The following PRAG1 variants were observed in gnomAD, a reference collection of about 807,000 sequenced individuals.
PRAG1 encodes PEAK1 related, kinase-activating pseudokinase 1.
PRAG1 carries 110 observed loss-of-function variants against 95.6 expected under a neutral mutation model. The ratio of observed to expected loss-of-function variants is 1.15; its 90% CI spans 0.99 to 1.35. PRAG1 has a LOEUF of 1.35. PRAG1 is among the 40% of genes most tolerant of loss of function. The probability of loss-of-function intolerance (pLI) is 0.00; values close to 1 mark genes in which losing one functional copy is unlikely to be tolerated. For missense variants in PRAG1, 2,554 were observed against 1,864.7 expected (o/e 1.37, Z -6.81); for synonymous variants, 1,052 against 819.4 (o/e 1.28, Z -4.85).
chr8:8,357,462 G>T (rs1185393742), intron 3 of PRAG1, among the ~76,000 whole-genome samples: 1 of 152,134 alleles, frequency 6.6e-6, no homozygotes, highest in Non-Finnish European at 1.5e-5. Flanking sequence ...TAATCATTTG[G>T]AAAACACAAA....
chr8:8,375,761 G>C (rs192640851), intron 3 of PRAG1, among the ~76,000 whole-genome samples: 573 of 152,198 alleles, frequency 3.8e-3, no homozygotes, highest in Non-Finnish European at 5.3e-3. Flanking sequence ...CTGGGCTCAA[G>C]TAATCCTCCT....
intron 3 of PRAG1, 134 bp from the exon 4 acceptor site, chr8:8,339,769 G>T (rs1286809995): frequency 4.8e-5 from 37 of 778,358 alleles, no homozygotes; most frequent in Non-Finnish European, 5.9e-5. Context: ...AAAAAAAAAA[G>T]ATTTTGGGGA....
intron 1 of PRAG1, among the ~76,000 whole-genome samples, chr8:8,383,136 C>A (rs148295554): frequency 6.6e-6 from 1 of 152,224 alleles, no homozygotes; most frequent in Non-Finnish European, 1.5e-5. Flanking sequence ...ACAGGACTAA[C>A]CAGGTGGAAT....
chr8:8,351,369 G>A (rs918987095), intron 3 of PRAG1, among the ~76,000 whole-genome samples: 4 of 152,046 alleles, frequency 2.6e-5, no homozygotes, highest in Admixed American at 6.6e-5. Flanking sequence ...TCCAATATTC[G>A]GGATTATAAT....
chr8:8,371,265 TTTC>T (rs1166234502), intron 3 of PRAG1, among the ~76,000 whole-genome samples: 4 of 151,870 alleles, frequency 2.6e-5, no homozygotes, highest in African/African-American at 9.7e-5. Context: ...GAGCGAAAAC[TTTC>T]TTTTTTTTTT....
intron 3 of PRAG1, among the ~76,000 whole-genome samples, chr8:8,342,458 A>C (rs1251657557): frequency 1.3e-5 from 2 of 152,070 alleles, no homozygotes; most frequent in African/African-American, 2.4e-5. Context: ...GGCCTCCCAA[A>C]GTACTGGGAT....
chr8:8,332,974 C>G (rs1850725), intron 4 of PRAG1, among the ~76,000 whole-genome samples: 33,309 of 152,128 alleles, frequency 0.22, 4,172 homozygotes, highest in African/African-American at 0.35. Context: ...ACCTAAAATA[C>G]TTCCGAGTTC....
At chr8:8,336,878 C>T (rs531574299) in intron 4 of PRAG1, among the ~76,000 whole-genome samples, 1 of 145,682 alleles carries the variant, frequency 6.9e-6, no homozygotes, top group Non-Finnish European at 1.5e-5. Context: ...CAACTAAAAC[C>T]TTCCCCCCAC....
At chr8:8,330,896 T>A (rs953792832) in intron 4 of PRAG1, among the ~76,000 whole-genome samples, 1 of 152,092 alleles carries the variant, frequency 6.6e-6, no homozygotes, top group African/African-American at 2.4e-5. Flanking sequence ...ACCACCTACT[T>A]ATGAGGCTCT....
In PRAG1 at chr8:8,378,226, C is replaced by T. The variant is rs530293715; in HGVS notation, c.331-148G>A. 3.3e-4 allele frequency: 289 copies of T among 866,480 alleles called. 8 individuals are homozygous for T. The South Asian group carries it at 5.1e-3, about 15-fold the overall frequency. 53.7% of individuals were successfully genotyped at this position (866,480 alleles called of 1,614,324 possible). A position where few individuals can be genotyped will look rare whatever the true frequency, so the allele number is the denominator to read the frequency against. The stretch of plus-strand genomic sequence containing the variant: ...GCGCTGGGGCCGGGGACTCAGTGCA[C>T]GCCCACCTTCTCATCTCCCCACGGC... On this transcript the variant is annotated intron_variant, in intron 2 of 5. Transcript: ENST00000615670.
At chr8:8,374,187 T>C (rs568591580) in intron 3 of PRAG1, among the ~76,000 whole-genome samples, 1 of 152,288 alleles carries the variant, frequency 6.6e-6, no homozygotes, top group Non-Finnish European at 1.5e-5. Context: ...TATCATCTCA[T>C]TTTAGAGAAG....
rs56190628 is a variant in PRAG1 at position 8,377,068 on chromosome 8, T to C, written c.1341A>G (p.Thr447=). The change falls in exon 3 of 6, where the codon ACA becomes ACG. Residue 447 remains threonine (T), a synonymous_variant. Coordinates refer to ENST00000615670, the MANE Select transcript of PRAG1 (RefSeq NM_001080826.3). Reference sequence around the variant, plus strand: ...CTGCTTTCTGGGCCCAGGCATTACCTGTGCATACCTGGCCTTGGCCCTGGG... The same window carrying C: ...CTGCTTTCTGGGCCCAGGCATTACCCGTGCATACCTGGCCTTGGCCCTGGG... The part of the protein sequence containing the change: ...AAAQGQGQVC[T]GNAWAQKAAS... 11 of 1,613,834 alleles carry C rather than the reference T, an allele frequency of 6.8e-6. No individual in the cohort carries two copies. In the East Asian group the frequency reaches 2.2e-4, roughly 33 times the overall value.
chr8:8,361,528 C>T (rs1346836669), intron 3 of PRAG1, among the ~76,000 whole-genome samples: 3 of 152,182 alleles, frequency 2.0e-5, no homozygotes, highest in African/African-American at 7.2e-5. Context: ...CTGACTCTTC[C>T]TTGTTCTCCT....
intron 4 of PRAG1, among the ~76,000 whole-genome samples, chr8:8,337,999 C>T (rs1799044640): frequency 6.6e-6 from 1 of 152,112 alleles, no homozygotes; most frequent in Non-Finnish European, 1.5e-5. Context: ...TTTTATTGTT[C>T]TCTAAACCTG....
intron 3 of PRAG1, among the ~76,000 whole-genome samples, chr8:8,340,091 T>C (rs775104230): frequency 5.3e-5 from 8 of 152,222 alleles, no homozygotes; most frequent in African/African-American, 7.2e-5. Context: ...GTGGGATTTC[T>C]TTTTTTACCT....
At chr8:8,343,044 A>G (rs1004575473) in intron 3 of PRAG1, among the ~76,000 whole-genome samples, 5 of 152,230 alleles carry the variant, frequency 3.3e-5, no homozygotes, top group African/African-American at 2.4e-5. Flanking sequence ...AATAAAAAAG[A>G]GTGCCTATAA....
At chr8:8,376,096 G>T in intron 3 of PRAG1, 151 bp downstream of exon 3, 1 of 1,053,214 alleles carries the variant, frequency 9.5e-7, no homozygotes, top group African/African-American at 1.6e-5. Flanking sequence ...TCCGAGGGCT[G>T]CACTGGGACC....
chr8:8,354,419 C>G (rs1799624767), intron 3 of PRAG1, among the ~76,000 whole-genome samples: 3 of 151,884 alleles, frequency 2.0e-5, no homozygotes, highest in Admixed American at 1.3e-4. Context: ...GGGAATACTT[C>G]CAAAAACTTT....
At chr8:8,347,761 G>T (rs1799393060) in intron 3 of PRAG1, among the ~76,000 whole-genome samples, 1 of 151,782 alleles carries the variant, frequency 6.6e-6, no homozygotes, top group Non-Finnish European at 1.5e-5. Flanking sequence ...GAACAAACCT[G>T]CAGACCTAGG....
Sources: allele counts gnomAD v4.1 joint callset (sites outside exome capture counted in the v4.1 genomes callset), GRCh38; gene constraint gnomAD v4.1.1; transcripts MANE v1.5; gene names NCBI Gene and HGNC (gene_info 2026-07-23, HGNC 2026-07-21).